SLC24A2: variants seen among roughly 807,000 people sequenced by gnomAD.
SLC24A2 encodes the protein sodium/potassium/calcium exchanger 2.
SLC24A2 carries 36 observed loss-of-function variants against 62.0 expected under a neutral mutation model. That is an observed-to-expected ratio of 0.58 (90% CI 0.44 to 0.77). The LOEUF is 0.77. SLC24A2 is among the 30% of genes least tolerant of loss of function. SLC24A2 has a pLI of 0.00. For synonymous variants in SLC24A2, 358 were observed against 294.0 expected, an observed-to-expected ratio of 1.22 and a Z score of -2.23; for missense variants, 846 against 817.9, an observed-to-expected ratio of 1.03 and a Z score of -0.42.
intron 2 of SLC24A2, among the ~76,000 whole-genome samples, chr9:19,708,006 C>G (rs932370248): frequency 6.6e-6 from 1 of 152,198 alleles, no homozygotes; most frequent in African/African-American, 2.4e-5. Flanking sequence ...CTATAAAACC[C>G]CATTGTCTCA....
intron 7 of SLC24A2, among the ~76,000 whole-genome samples, chr9:19,567,343 A>G (rs571502195): frequency 2.0e-5 from 3 of 151,802 alleles, no homozygotes; most frequent in Admixed American, 2.0e-4. Context: ...TCAGGAGATC[A>G]AGACCTTCCT....
intron 2 of SLC24A2, among the ~76,000 whole-genome samples, chr9:19,709,993 A>C (rs900635199): frequency 7.2e-5 from 11 of 152,108 alleles, no homozygotes; most frequent in Non-Finnish European, 1.5e-5. Context: ...ATCCAGAAGG[A>C]CTCAGTGGTT....
chr9:19,838,765 AT>A, the SLC24A2 span, among the ~76,000 whole-genome samples: 3 of 149,802 alleles, frequency 2.0e-5, no homozygotes, highest in Admixed American at 6.6e-5. Flanking sequence ...TGTTTTCCTA[AT>A]TTAAAAAAAA....
At chr9:19,908,152 G>A in the SLC24A2 span, among the ~76,000 whole-genome samples, 2 of 152,190 alleles carry the variant, frequency 1.3e-5, no homozygotes, top group Non-Finnish European at 1.5e-5. Context: ...GACCAATGGA[G>A]CAGAACAGAG....
the SLC24A2 span, among the ~76,000 whole-genome samples, chr9:19,798,598 C>CCACACACACACACACA: frequency 6.8e-6 from 1 of 146,448 alleles, no homozygotes; most frequent in Non-Finnish European, 1.5e-5. Flanking sequence ...ATCCTTTATA[C>CCACACACACACACACA]CACACACACA....
the SLC24A2 span, among the ~76,000 whole-genome samples, chr9:20,091,880 G>T: frequency 2.6e-5 from 4 of 152,056 alleles, no homozygotes; most frequent in Non-Finnish European, 4.4e-5. Flanking sequence ...AGAAAATATG[G>T]TACATATATA....
the SLC24A2 span, among the ~76,000 whole-genome samples, chr9:20,269,752 C>T: frequency 6.6e-6 from 1 of 152,166 alleles, no homozygotes; most frequent in Non-Finnish European, 1.5e-5. Context: ...TTTACTACAT[C>T]TGTCAATCTG....
chr9:20,068,349 A>T, the SLC24A2 span, among the ~76,000 whole-genome samples: 3 of 152,076 alleles, frequency 2.0e-5, no homozygotes, highest in East Asian at 3.9e-4. Flanking sequence ...GGTGTGAGCC[A>T]CCGCACCTAG....
At chr9:19,962,301 G>A in the SLC24A2 span, among the ~76,000 whole-genome samples, 1 of 152,214 alleles carries the variant, frequency 6.6e-6, no homozygotes, top group African/African-American at 2.4e-5. Flanking sequence ...GTAGCGTGAT[G>A]CCTCCAGCTT....
At chr9:19,723,504 A>G (rs902127999) in intron 2 of SLC24A2, among the ~76,000 whole-genome samples, 1 of 152,182 alleles carries the variant, frequency 6.6e-6, no homozygotes, top group African/African-American at 2.4e-5. Context: ...GTCTTAAGCC[A>G]TAAGCTGTGT....
chr9:20,174,313 G>T, the SLC24A2 span, among the ~76,000 whole-genome samples: 2 of 151,680 alleles, frequency 1.3e-5, no homozygotes, highest in Non-Finnish European at 2.9e-5. Context: ...ACCAAGAACC[G>T]AAAAGCAAAA....
the SLC24A2 span, among the ~76,000 whole-genome samples, chr9:19,838,080 T>C: frequency 6.6e-6 from 1 of 151,868 alleles, no homozygotes; most frequent in African/African-American, 2.4e-5. Context: ...TTAAAGTTCA[T>C]ATGGAACCAA....
intron 2 of SLC24A2, among the ~76,000 whole-genome samples, chr9:19,668,229 G>T (rs1230394218): frequency 2.0e-5 from 3 of 151,980 alleles, no homozygotes; most frequent in Non-Finnish European, 2.9e-5. Flanking sequence ...TTTATTTTGC[G>T]ATCCCACCAG....
rs74372837 is a variant in SLC24A2, at chr9:19,732,290, G to A, written c.930+53647C>T. ...TGGCATTGAAGAGGCAGAGGTTGTG[G>A]GATTAATTTCCACAGTCTGATTAGC... On this transcript the variant is annotated intron_variant, in intron 2 of 10. Transcript: ENST00000341998. Among the ~76,000 whole-genome samples, 1,309 of 152,082 alleles carry A rather than the reference G, an allele frequency of 8.6e-3. 4 individuals carry two copies. The highest frequency in any genetic ancestry group is 0.037 in the Middle Eastern group (11 of 294).
chr9:20,176,076 G>A, the SLC24A2 span, among the ~76,000 whole-genome samples: 50 of 152,128 alleles, frequency 3.3e-4, no homozygotes, highest in Non-Finnish European at 4.6e-4. Context: ...CCATGAAACC[G>A]TAACAACACT....
the SLC24A2 span, among the ~76,000 whole-genome samples, chr9:20,152,378 C>G: frequency 6.6e-6 from 1 of 151,888 alleles, no homozygotes; most frequent in Non-Finnish European, 1.5e-5. Flanking sequence ...GTGGACTTTT[C>G]CTTTTCCTGG....
At chr9:20,258,617 C>A in the SLC24A2 span, among the ~76,000 whole-genome samples, 1 of 152,156 alleles carries the variant, frequency 6.6e-6, no homozygotes, top group Non-Finnish European at 1.5e-5. Flanking sequence ...AGCCCATGGG[C>A]CTTTCAGCCT....
At chr9:19,525,645 C>A (rs10964190) in intron 9 of SLC24A2, among the ~76,000 whole-genome samples, 1 of 151,714 alleles carries the variant, frequency 6.6e-6, no homozygotes, top group Non-Finnish European at 1.5e-5. Context: ...GTCAAGGGAT[C>A]TGCCTGCCTC....
chr9:20,176,514 C>T, the SLC24A2 span, among the ~76,000 whole-genome samples: 1 of 152,022 alleles, frequency 6.6e-6, no homozygotes, highest in Admixed American at 6.6e-5. Context: ...AAATAACTTC[C>T]TATAATCTTC....
Sources: gnomAD v4.1 joint callset for allele counts (sites outside exome capture counted in the v4.1 genomes callset) on GRCh38, gnomAD v4.1.1 for gene constraint, MANE v1.5 for transcripts, NCBI Gene and HGNC (gene_info 2026-07-23, HGNC 2026-07-21) for gene names.